The following FAM185A variants were observed in gnomAD, a reference collection of about 807,000 sequenced individuals.
FAM185A encodes family with sequence similarity 185 member A.
A neutral mutation model predicts 45.7 loss-of-function variants in FAM185A; 21 were observed. That is an observed-to-expected ratio of 0.46 (90% confidence interval 0.33 to 0.66). The LOEUF (loss-of-function observed/expected upper bound fraction) is 0.66, where lower values mean the gene tolerates loss of function less well. FAM185A is among the 30% of genes least tolerant of loss of function. The probability of loss-of-function intolerance (pLI) is 0.03; values close to 1 mark genes in which losing one functional copy is unlikely to be tolerated. For synonymous variants in FAM185A, 117 were observed against 194.0 expected (o/e 0.60, Z 3.30); for missense variants, 305 against 485.4 (o/e 0.63, Z 3.49).
At chr7:102,847,777 C>T in the FAM185A span, among the ~76,000 whole-genome samples, 2 of 152,132 alleles carry the variant, frequency 1.3e-5, no homozygotes, top group African/African-American at 4.8e-5. Context: ...AACCCACCCA[C>T]CTCGGCCTCC....
At chr7:102,842,546 A>G in the FAM185A span, among the ~76,000 whole-genome samples, 1 of 152,268 alleles carries the variant, frequency 6.6e-6, no homozygotes, top group Admixed American at 6.5e-5. Flanking sequence ...TAGAAAGTTT[A>G]GTGATTCAAA....
At chr7:102,838,410 C>T in the FAM185A span, among the ~76,000 whole-genome samples, 1 of 151,748 alleles carries the variant, frequency 6.6e-6, no homozygotes. Flanking sequence ...TTCTCTGTGG[C>T]TCTGATTGCC....
the FAM185A span, among the ~76,000 whole-genome samples, chr7:102,830,280 T>A: frequency 6.6e-6 from 1 of 152,220 alleles, no homozygotes; most frequent in African/African-American, 2.4e-5. Flanking sequence ...TCTTTTCTCA[T>A]TCTCCTACTT....
rs545876712 is a variant in FAM185A at position 102,749,600 on chromosome 7, T to C, written c.393T>C (p.Ile131=). 71 of 1,524,090 alleles carry C rather than the reference T, an allele frequency of 4.7e-5. 1 individual carries two copies. The Middle Eastern group carries it at 6.8e-4, about 15-fold the overall frequency. 94.4% of individuals were successfully genotyped at this position (1,524,090 alleles called of 1,614,324 possible). ...ACGAGGATCTGGAGGAGATGGCCATTGTGTCTGATACTATCCACCCCCAGG... is the reference window on the plus strand; with the variant it reads ...ACGAGGATCTGGAGGAGATGGCCATCGTGTCTGATACTATCCACCCCCAGG... The part of the protein sequence containing the change: ...KYDEDLEEMA[I]VSDTIHPQAS... Residue 131 remains isoleucine, a synonymous_variant, in exon 1 of 8, where the codon ATT becomes ATC. Transcript: ENST00000413034.
intron 7 of FAM185A, among the ~76,000 whole-genome samples, chr7:102,802,274 T>C (rs1045388651): frequency 2.6e-5 from 4 of 152,194 alleles, no homozygotes; most frequent in Non-Finnish European, 5.9e-5. Flanking sequence ...TTCTCCAAGA[T>C]AGACCATATG....
At chr7:102,801,829 G>A (rs1796812311) in intron 7 of FAM185A, among the ~76,000 whole-genome samples, 1 of 151,918 alleles carries the variant, frequency 6.6e-6, no homozygotes, top group South Asian at 2.1e-4. Flanking sequence ...GGAGGCTGAG[G>A]CAGAATTGCT....
At chr7:102,788,235 C>T (rs1307420593) in intron 7 of FAM185A, among the ~76,000 whole-genome samples, 1 of 152,092 alleles carries the variant, frequency 6.6e-6, no homozygotes, top group Non-Finnish European at 1.5e-5. Context: ...TCCCAAAGTG[C>T]TGGGATTATA....
intron 3 of FAM185A, among the ~76,000 whole-genome samples, chr7:102,758,426 GCTTTTTTTTTTTTTTTTT>G (rs1436592864): frequency 3.1e-5 from 3 of 95,894 alleles, no homozygotes; most frequent in African/African-American, 8.0e-5. Context: ...TGCTCTCACA[GCTTTTTTTTTTTTTTTTT>G]TTTTTTTTTT....
intron 3 of FAM185A, 35 bp downstream of exon 3, chr7:102,757,981 T>C (rs1479711959): frequency 1.3e-6 from 2 of 1,544,588 alleles, no homozygotes; most frequent in South Asian, 2.4e-5. Flanking sequence ...TTTTAGTAAT[T>C]GCAACTTTGC....
the FAM185A span, among the ~76,000 whole-genome samples, chr7:102,841,221 T>A: frequency 0.01 from 1,543 of 151,738 alleles, 22 homozygotes; most frequent in African/African-American, 0.035. Context: ...TCCCTTTTTT[T>A]AAATTTTTGC....
At chr7:102,813,256 A>G (rs1025936800), downstream of FAM185A, 4 of 1,207,084 alleles carry the variant, frequency 3.3e-6, no homozygotes, top group Admixed American at 4.7e-5. Flanking sequence ...ATTGTTATTG[A>G]GATTCAGCTA....
chr7:102,793,554 G>A (rs556704913), intron 7 of FAM185A, among the ~76,000 whole-genome samples: 1 of 151,888 alleles, frequency 6.6e-6, no homozygotes, highest in Non-Finnish European at 1.5e-5. Flanking sequence ...TAAAGAATAA[G>A]ATCTTGAGAG....
chr7:102,777,489 C>T (rs541131892), intron 6 of FAM185A, 141 bp downstream of exon 6: 6 of 543,658 alleles, frequency 1.1e-5, no homozygotes, highest in Non-Finnish European at 1.8e-5. Flanking sequence ...TTTAAAGGCA[C>T]TGGTCTGCTA....
intron 7 of FAM185A, among the ~76,000 whole-genome samples, chr7:102,805,444 A>G (rs147178524): frequency 8.5e-4 from 129 of 152,240 alleles, no homozygotes; most frequent in African/African-American, 2.6e-3. Context: ...AAAACTAAAC[A>G]TCATAGGCTC....
chr7:102,834,032 TGAAGGAAGGAAGGAAGGAAGGAAG>T, the FAM185A span, among the ~76,000 whole-genome samples: 652 of 75,432 alleles, frequency 8.6e-3, 15 homozygotes, highest in African/African-American at 0.037. Flanking sequence ...GAAACCATGA[TGAAGGAAGGAAGGAAGGAAGGAAG>T]GAAGGAAGGA....
the FAM185A span, among the ~76,000 whole-genome samples, chr7:102,846,809 A>G: frequency 6.6e-6 from 1 of 152,046 alleles, no homozygotes; most frequent in Non-Finnish European, 1.5e-5. Context: ...CACCTATGCA[A>G]GCACAGCCAG....
chr7:102,768,343 C>T (rs1187799432), intron 4 of FAM185A, among the ~76,000 whole-genome samples: 3 of 147,796 alleles, frequency 2.0e-5, no homozygotes, highest in Admixed American at 7.1e-5. Flanking sequence ...GCCTGAAATG[C>T]TTTTCCTAGC....
chr7:102,793,607 A>C (rs543924737), intron 7 of FAM185A, among the ~76,000 whole-genome samples: 2 of 152,160 alleles, frequency 1.3e-5, no homozygotes, highest in African/African-American at 4.8e-5. Flanking sequence ...TGTTTGCCCC[A>C]AAAAAGAAGA....
the FAM185A span, among the ~76,000 whole-genome samples, chr7:102,835,186 A>T: frequency 2.6e-5 from 4 of 152,182 alleles, no homozygotes; most frequent in Non-Finnish European, 5.9e-5. Context: ...CAACTGATTC[A>T]GCACTTAGGG....
Sources: allele counts gnomAD v4.1 joint callset (sites outside exome capture counted in the v4.1 genomes callset), GRCh38; gene constraint gnomAD v4.1.1; transcripts MANE v1.5; gene names NCBI Gene and HGNC (gene_info 2026-07-23, HGNC 2026-07-21).